Variants in STX8 observed in about 807,000 individuals in gnomAD.
STX8 encodes syntaxin-8.
In STX8, 23 loss-of-function variants were observed where a neutral mutation model predicts 37.5. That is an observed-to-expected ratio of 0.61 (90% CI 0.44 to 0.87). The LOEUF is 0.87. Among genes scored for constraint, STX8 ranks in the 40% least tolerant of loss-of-function variants. The pLI, the probability that STX8 is intolerant of heterozygous loss-of-function variation, is 0.00. For missense variants in STX8, 313 were observed against 284.7 expected, an observed-to-expected ratio of 1.10 and a Z score of -0.71; for synonymous variants, 115 against 99.1, an observed-to-expected ratio of 1.16 and a Z score of -0.95.
intron 4 of STX8, among the ~76,000 whole-genome samples, chr17:9,516,773 T>C (rs977886264): frequency 2.0e-5 from 3 of 152,148 alleles, no homozygotes; most frequent in African/African-American, 7.2e-5. Context: ...CAAATTGAAA[T>C]GAGAAACTCA....
chr17:9,401,988 C>T (rs758193338), intron 6 of STX8, among the ~76,000 whole-genome samples: 15 of 152,112 alleles, frequency 9.9e-5, no homozygotes, highest in Non-Finnish European at 1.9e-4. Context: ...AGCTCTGTAC[C>T]AGCAATTTCC....
At chr17:9,535,441 TTTTTTTTTTG>T (rs1905998334) in intron 4 of STX8, among the ~76,000 whole-genome samples, 1 of 118,476 alleles carries the variant, frequency 8.4e-6, no homozygotes, top group African/African-American at 3.1e-5. Context: ...TTTTTTTTTT[TTTTTTTTTTG>T]AGACGGAGTC....
intron 6 of STX8, among the ~76,000 whole-genome samples, chr17:9,423,756 AAAG>A (rs1475147601): frequency 6.6e-6 from 1 of 152,226 alleles, no homozygotes; most frequent in Non-Finnish European, 1.5e-5. Flanking sequence ...TCCAAAGATA[AAAG>A]AAAAACACTG....
chr17:9,324,902 G>C (rs992479492), intron 7 of STX8, among the ~76,000 whole-genome samples: 1 of 151,994 alleles, frequency 6.6e-6, no homozygotes, highest in South Asian at 2.1e-4. Flanking sequence ...TTTTGACTTC[G>C]AGATGATGCA....
At chr17:9,559,760 A>ATATATATATTTTT in intron 2 of STX8, among the ~76,000 whole-genome samples, 1,888 of 24,540 alleles carry the variant, frequency 0.077, 339 homozygotes, top group East Asian at 0.24. Flanking sequence ...ATATATATAT[A>ATATATATATTTTT]TTTTTTTTTT....
intron 4 of STX8, among the ~76,000 whole-genome samples, chr17:9,518,510 C>G (rs1489804305): frequency 2.0e-5 from 3 of 152,216 alleles, no homozygotes; most frequent in Non-Finnish European, 2.9e-5. Flanking sequence ...CTTAGATCTG[C>G]TCCTCTCACG....
intron 1 of STX8, 151 bp downstream of exon 1, chr17:9,575,641 G>A (rs1231803091): frequency 4.2e-6 from 4 of 954,674 alleles, no homozygotes; most frequent in Non-Finnish European, 6.2e-6. Context: ...GGCGGGATGT[G>A]GCTGAGCCCC....
chr17:9,354,176 T>G (rs1597620905), intron 7 of STX8, among the ~76,000 whole-genome samples: 1 of 152,198 alleles, frequency 6.6e-6, no homozygotes, highest in Non-Finnish European at 1.5e-5. Context: ...ATCTACCCTA[T>G]AGTTGAATCA....
chr17:9,503,137 A>C (rs1245007726), intron 5 of STX8, among the ~76,000 whole-genome samples: 2 of 151,130 alleles, frequency 1.3e-5, no homozygotes, highest in East Asian at 3.9e-4. Flanking sequence ...AGAGTGAAAT[A>C]CTGATACACA....
chr17:9,473,862 G>A lies in STX8; in HGVS notation c.541+17967C>T, dbSNP rs139057098. Among the ~76,000 whole-genome samples the A allele has an allele frequency of 1.1e-4, 17 of 152,068 alleles. No individual in the cohort carries two copies. In the East Asian group the frequency reaches 3.3e-3, roughly 29 times the overall value. On this transcript the variant is annotated intron_variant, in intron 6 of 7. Transcript: ENST00000306357. ...TTTTGGACTCCTGCTAATTTCTTTG[G>A]GGAAATTCATCTATGAACACATCAG...
At chr17:9,317,767 A>C (rs1446013865) in intron 7 of STX8, among the ~76,000 whole-genome samples, 2 of 147,212 alleles carry the variant, frequency 1.4e-5, no homozygotes, top group Non-Finnish European at 3.0e-5. Flanking sequence ...CTGTCTCAGA[A>C]AAAGAAAAAA....
intron 1 of STX8, among the ~76,000 whole-genome samples, chr17:9,574,535 G>GT (rs1441948408): frequency 2.6e-3 from 217 of 83,274 alleles, no homozygotes; most frequent in African/African-American, 6.7e-3. Context: ...GGATTTTGGG[G>GT]TTTTTTATTT....
At chr17:9,274,114 A>G (rs554663607) in intron 7 of STX8, among the ~76,000 whole-genome samples, 11 of 152,280 alleles carry the variant, frequency 7.2e-5, no homozygotes, top group African/African-American at 2.6e-4. Context: ...TTTCTTATGA[A>G]AAGTGTCAAA....
At chr17:9,422,832 C>A (rs1049137922) in intron 6 of STX8, among the ~76,000 whole-genome samples, 1 of 152,186 alleles carries the variant, frequency 6.6e-6, no homozygotes, top group Non-Finnish European at 1.5e-5. Context: ...TCAGAAGTGG[C>A]GATTTTCCAA....
intron 4 of STX8, among the ~76,000 whole-genome samples, chr17:9,517,734 G>C (rs1341819709): frequency 7.1e-6 from 1 of 140,396 alleles, no homozygotes; most frequent in Non-Finnish European, 1.5e-5. Context: ...CAGGAGGACT[G>C]TTTGAGCCCA....
chr17:9,491,861 T>A lies in STX8; in HGVS notation c.509A>T (p.Gln170Leu). Residue 170 changes from glutamine to leucine, a missense_variant, in exon 6 of 8, where the codon CAG (glutamine) becomes CTG (leucine). Gln to Leu is a moderately radical substitution (Grantham distance 113). Coordinates refer to ENST00000306357, the MANE Select transcript of STX8 (RefSeq NM_004853.3). ...SIISRQKQMG[Q>L]EIGNELDEQN... is the part of the protein sequence containing the mutation. The stretch of plus-strand genomic sequence containing the variant: ...TTCATCCAATTCATTCCCAATTTCC[T>A]GCCCCATTTGTTTTTGGCGACTTAT... The A allele has an allele frequency of 6.2e-7, 1 of 1,614,046 alleles. No homozygotes were observed. The highest frequency in any genetic ancestry group is 1.1e-5 in the South Asian group (1 of 91,056).
intron 4 of STX8, among the ~76,000 whole-genome samples, chr17:9,527,396 A>T (rs906049085): frequency 3.3e-5 from 5 of 151,530 alleles, no homozygotes; most frequent in Non-Finnish European, 5.9e-5. Context: ...GTGAGCTGTG[A>T]TCTCACCACT....
intron 5 of STX8, among the ~76,000 whole-genome samples, chr17:9,503,952 C>T (rs757020369): frequency 2.0e-4 from 31 of 151,744 alleles, no homozygotes; most frequent in African/African-American, 7.0e-4. Context: ...TTAGTAGAGA[C>T]GGCGTTTCAC....
At chr17:9,401,876 C>G (rs1202512128) in intron 6 of STX8, among the ~76,000 whole-genome samples, 1 of 152,132 alleles carries the variant, frequency 6.6e-6, no homozygotes, top group Non-Finnish European at 1.5e-5. Flanking sequence ...AGCATTCCTC[C>G]TTTGTGGAAA....
Sources: gnomAD v4.1 joint callset for allele counts (sites outside exome capture counted in the v4.1 genomes callset) on GRCh38, gnomAD v4.1.1 for gene constraint, MANE v1.5 for transcripts, NCBI Gene and HGNC (gene_info 2026-07-23, HGNC 2026-07-21) for gene names.